DNER: variants seen among roughly 807,000 people sequenced by gnomAD.
DNER encodes the protein delta and Notch-like epidermal growth factor-related receptor.
Under a neutral mutation model 78.2 loss-of-function variants are expected in DNER, and 33 were observed. The observed-to-expected ratio is 0.42, with a 90% CI of 0.32 to 0.56. The LOEUF (loss-of-function observed/expected upper bound fraction) is 0.56, where lower values mean the gene tolerates loss of function less well. DNER is among the 20% of genes least tolerant of loss of function. The probability of loss-of-function intolerance (pLI) is 0.11; values close to 1 mark genes in which losing one functional copy is unlikely to be tolerated. For missense variants in DNER, 918 were observed against 975.3 expected (o/e 0.94, Z 0.78); for synonymous variants, 417 against 384.8 (o/e 1.08, Z -0.98).
chr2:229,527,831 G>T (rs766558894), intron 5 of DNER, among the ~76,000 whole-genome samples: 86 of 152,182 alleles, frequency 5.7e-4, no homozygotes, highest in Admixed American at 5.2e-4. Flanking sequence ...GATGGGGAAT[G>T]ATTATGTATT....
chr2:229,367,526 G>A (rs983373007), intron 11 of DNER, among the ~76,000 whole-genome samples: 3 of 152,074 alleles, frequency 2.0e-5, no homozygotes, highest in Admixed American at 6.6e-5. Flanking sequence ...ACTTGAACTC[G>A]GGAGGCGGAG....
At chr2:229,557,661 A>G (rs1381993118) in intron 4 of DNER, among the ~76,000 whole-genome samples, 1 of 152,132 alleles carries the variant, frequency 6.6e-6, no homozygotes, top group Admixed American at 6.6e-5. Context: ...AGAGAGAGTA[A>G]AAGAGGAAGA....
At chr2:229,702,527 C>A (rs752212032) in intron 1 of DNER, among the ~76,000 whole-genome samples, 2 of 151,948 alleles carry the variant, frequency 1.3e-5, no homozygotes, top group South Asian at 2.1e-4. Context: ...CAGAGTAAGA[C>A]CCTGTCACCG....
chr2:229,467,983 A>G (rs549150587), intron 7 of DNER, among the ~76,000 whole-genome samples: 167 of 152,354 alleles, frequency 1.1e-3, no homozygotes, highest in African/African-American at 3.9e-3. Flanking sequence ...GCCGGCTGCC[A>G]CAGCCGTGAC....
At chr2:229,443,996 C>G (rs186418328) in intron 8 of DNER, among the ~76,000 whole-genome samples, 3 of 152,280 alleles carry the variant, frequency 2.0e-5, no homozygotes, top group Non-Finnish European at 1.5e-5. Context: ...AGGGCCCTGT[C>G]ACGATTACAA....
intron 12 of DNER, among the ~76,000 whole-genome samples, chr2:229,363,878 G>A (rs546623109): frequency 2.0e-5 from 3 of 151,048 alleles, no homozygotes; most frequent in African/African-American, 7.3e-5. Flanking sequence ...CCCAACACAT[G>A]AGAATACAAT....
At chr2:229,530,224 T>A (rs112461776) in intron 5 of DNER, among the ~76,000 whole-genome samples, 1,827 of 152,338 alleles carry the variant, frequency 0.012, 37 homozygotes, top group Middle Eastern at 0.054. Flanking sequence ...ACTTATTCTG[T>A]TCATATACTT....
chr2:229,666,402 C>T (rs114867487), intron 1 of DNER, among the ~76,000 whole-genome samples: 109 of 152,098 alleles, frequency 7.2e-4, no homozygotes, highest in African/African-American at 2.5e-3. Flanking sequence ...TATCAGTAAC[C>T]GAAAGGCAAA....
chr2:229,598,646 C>A (rs1313300137), intron 1 of DNER, among the ~76,000 whole-genome samples: 1 of 152,054 alleles, frequency 6.6e-6, no homozygotes, highest in African/African-American at 2.4e-5. Flanking sequence ...GGTGTTGGGA[C>A]CAGTCTCTTT....
intron 1 of DNER, among the ~76,000 whole-genome samples, chr2:229,654,620 G>A (rs138803069): frequency 3.0e-4 from 45 of 152,232 alleles, no homozygotes; most frequent in South Asian, 1.7e-3. Flanking sequence ...AGAAGGTCCC[G>A]AATTCCAACT....
chr2:229,607,325 T>A (rs78700886), intron 1 of DNER, among the ~76,000 whole-genome samples: 6,934 of 152,272 alleles, frequency 0.046, 477 homozygotes, highest in African/African-American at 0.15. Flanking sequence ...ATGGTTCTCG[T>A]CGTGCTCCCT....
At chr2:229,521,464 G>A (rs576401589) in intron 5 of DNER, among the ~76,000 whole-genome samples, 38 of 152,244 alleles carry the variant, frequency 2.5e-4, no homozygotes, top group Middle Eastern at 3.4e-3. Context: ...CTAGGCTGTG[G>A]GAACCAGACA....
At chr2:229,442,392 G>A (rs1184149094) in intron 8 of DNER, among the ~76,000 whole-genome samples, 4 of 152,000 alleles carry the variant, frequency 2.6e-5, no homozygotes, top group African/African-American at 9.7e-5. Flanking sequence ...GTGGGTGCCT[G>A]TAGTCCCAGC....
intron 8 of DNER, among the ~76,000 whole-genome samples, chr2:229,435,952 AT>A (rs568241472): frequency 2.0e-5 from 3 of 152,174 alleles, no homozygotes; most frequent in South Asian, 2.1e-4. Context: ...TTTGATTGTG[AT>A]TTTTTTTAAC....
intron 1 of DNER, among the ~76,000 whole-genome samples, chr2:229,707,096 C>G (rs1699840422): frequency 1.3e-5 from 2 of 151,718 alleles, no homozygotes; most frequent in South Asian, 4.2e-4. Flanking sequence ...TCACTGCAAC[C>G]TCTGCCTTCA....
chr2:229,494,622 T>C (rs530235864), intron 6 of DNER, among the ~76,000 whole-genome samples: 15 of 152,304 alleles, frequency 9.8e-5, no homozygotes, highest in Admixed American at 6.5e-4. Flanking sequence ...TTCAGGCCCA[T>C]TGAAATCTGG....
intron 7 of DNER, among the ~76,000 whole-genome samples, chr2:229,472,177 G>A (rs973583766): frequency 6.6e-6 from 1 of 152,334 alleles, no homozygotes; most frequent in South Asian, 2.1e-4. Flanking sequence ...TAGGAATAGT[G>A]TGAGAAAATA....
At chr2:229,467,765 C>T (rs373307042) in intron 7 of DNER, among the ~76,000 whole-genome samples, 26 of 152,176 alleles carry the variant, frequency 1.7e-4, no homozygotes, top group African/African-American at 4.1e-4. Context: ...GAATGTTTTG[C>T]GTTTAGCATG....
intron 1 of DNER, among the ~76,000 whole-genome samples, chr2:229,598,449 T>A (rs1697764290): frequency 6.6e-6 from 1 of 152,238 alleles, no homozygotes; most frequent in Non-Finnish European, 1.5e-5. Context: ...GACGTTAACT[T>A]GGACTTGCCC....
Sources: allele counts gnomAD v4.1 joint callset (sites outside exome capture counted in the v4.1 genomes callset), GRCh38; gene constraint gnomAD v4.1.1; transcripts MANE v1.5; gene names NCBI Gene and HGNC (gene_info 2026-07-23, HGNC 2026-07-21).